Variants in NAV2 observed in about 807,000 individuals in gnomAD.
The protein encoded by NAV2 is helicase, APC down-regulated 1.
NAV2 carries 54 observed loss-of-function variants against 223.2 expected under a neutral mutation model. The observed-to-expected ratio is 0.24, with a 90% CI of 0.19 to 0.30. The LOEUF (loss-of-function observed/expected upper bound fraction) is 0.30, where lower values mean the gene tolerates loss of function less well. Among genes scored for constraint, NAV2 ranks in the 10% least tolerant of loss-of-function variants. The probability of loss-of-function intolerance (pLI) is 1.00; values close to 1 mark genes in which losing one functional copy is unlikely to be tolerated. For missense variants in NAV2, 2,806 were observed against 3,147.5 expected (o/e 0.89, Z 2.60); for synonymous variants, 1,279 against 1,239.3 (o/e 1.03, Z -0.67).
intron 1 of NAV2, among the ~76,000 whole-genome samples, chr11:19,653,198 GTTTC>G (rs2048019740): frequency 6.6e-6 from 1 of 152,204 alleles, no homozygotes; most frequent in Non-Finnish European, 1.5e-5. Flanking sequence ...ATGTGGCTGT[GTTTC>G]TTTAAGTGCT....
chr11:19,574,051 G>A (rs2045501858), intron 1 of NAV2, among the ~76,000 whole-genome samples: 1 of 152,224 alleles, frequency 6.6e-6, no homozygotes, highest in Admixed American at 6.5e-5. Context: ...CAGCCATCAT[G>A]ATAGTGTGAA....
At chr11:19,697,901 G>A (rs534794810) in intron 1 of NAV2, among the ~76,000 whole-genome samples, 4 of 152,258 alleles carry the variant, frequency 2.6e-5, no homozygotes, top group East Asian at 1.9e-4. Flanking sequence ...GCTTTGACAC[G>A]TTATCGTAAC....
intron 1 of NAV2, among the ~76,000 whole-genome samples, chr11:19,413,185 G>T (rs1456836425): frequency 6.6e-6 from 1 of 152,080 alleles, no homozygotes; most frequent in African/African-American, 2.4e-5. Context: ...CTTGAAAAAA[G>T]GTTAGAGGAA....
At chr11:19,860,237 G>A (rs1329180375) in intron 3 of NAV2, among the ~76,000 whole-genome samples, 4 of 147,306 alleles carry the variant, frequency 2.7e-5, no homozygotes, top group African/African-American at 7.6e-5. Flanking sequence ...TCCCAGACGG[G>A]GTGGCTGCCG....
At position 19,869,013 on chromosome 11, in the gene NAV2, T is replaced by C; in HGVS notation, c.511+16T>C. 1 of 1,612,924 alleles carries C rather than the reference T, an allele frequency of 6.2e-7. No individual in the cohort carries two copies. Among genetic ancestry groups the C allele is most frequent in the South Asian group, 1.1e-5 (1 of 91,016 alleles). On this transcript the variant is annotated intron_variant, in intron 4 of 37. Coordinates refer to ENST00000349880, the MANE Select transcript of NAV2 (RefSeq NM_145117.5). The stretch of plus-strand genomic sequence containing the variant: ...TCTGCAGAAGGTGAGTCAGAGCGCT[T>C]GTCACGAAGCTGCCTCTTCATCATT...
intron 1 of NAV2, among the ~76,000 whole-genome samples, chr11:19,681,979 G>A (rs944353113): frequency 3.3e-5 from 5 of 152,160 alleles, no homozygotes; most frequent in South Asian, 2.1e-4. Context: ...GATAGCTTGT[G>A]TTAGTCACAT....
At chr11:19,895,742 T>C (rs1238253292) in intron 6 of NAV2, among the ~76,000 whole-genome samples, 4 of 152,154 alleles carry the variant, frequency 2.6e-5, no homozygotes, top group African/African-American at 9.7e-5. Flanking sequence ...ACTAACTTTT[T>C]CAACCATCCT....
chr11:19,488,897 CT>C lies in NAV2; in HGVS notation c.75+137871del, dbSNP rs199701710. ...CATGCCTACTGACAGGTCTTCCAGTCTAGAGGGTGACCCTGTCTGTCCTGCT... is the reference window on the plus strand; with the variant it reads ...CATGCCTACTGACAGGTCTTCCAGTCAGAGGGTGACCCTGTCTGTCCTGCT... On this transcript the variant is annotated intron_variant, in intron 1 of 37. Transcript: ENST00000360655. Among the ~76,000 whole-genome samples the C allele has an allele frequency of 5.6e-3, 850 of 152,318 alleles. 3 individuals carry two copies. Among genetic ancestry groups the C allele is most frequent in the African/African-American group, 0.02 (815 of 41,562 alleles).
chr11:19,566,792 A>G (rs2045283301), intron 1 of NAV2, among the ~76,000 whole-genome samples: 1 of 152,198 alleles, frequency 6.6e-6, no homozygotes, highest in East Asian at 1.9e-4. Context: ...GCATCCAGGG[A>G]AACTAAGGTC....
chr11:19,355,589 C>T (rs1031061525), intron 1 of NAV2, among the ~76,000 whole-genome samples: 1 of 152,184 alleles, frequency 6.6e-6, no homozygotes, highest in African/African-American at 2.4e-5. Flanking sequence ...ACCTCACAGG[C>T]CCACCACCTT....
At chr11:19,532,633 G>T (rs865875885) in intron 1 of NAV2, among the ~76,000 whole-genome samples, 16 of 152,264 alleles carry the variant, frequency 1.1e-4, no homozygotes, top group Middle Eastern at 3.4e-3. Flanking sequence ...AAGGGAGCAG[G>T]CTACTCACGG....
At chr11:20,012,398 G>A (rs191220944) in intron 11 of NAV2, among the ~76,000 whole-genome samples, 4 of 152,244 alleles carry the variant, frequency 2.6e-5, no homozygotes, top group Admixed American at 6.5e-5. Context: ...ACTCATGGCC[G>A]GGCACAGTGG....
intron 1 of NAV2, among the ~76,000 whole-genome samples, chr11:19,640,597 G>C (rs1208636084): frequency 6.6e-6 from 1 of 152,066 alleles, no homozygotes; most frequent in Non-Finnish European, 1.5e-5. Flanking sequence ...GTTCTGTATG[G>C]TGTTACCCAT....
At chr11:19,584,897 G>A (rs1478602659) in intron 1 of NAV2, among the ~76,000 whole-genome samples, 28 of 152,164 alleles carry the variant, frequency 1.8e-4, no homozygotes, top group African/African-American at 5.8e-4. Context: ...TATTGGGTCC[G>A]CTTGGTGCAG....
chr11:19,688,890 C>T (rs576595464), intron 1 of NAV2, among the ~76,000 whole-genome samples: 1 of 152,194 alleles, frequency 6.6e-6, no homozygotes, highest in South Asian at 2.1e-4. Flanking sequence ...TTAATAGCAT[C>T]CCCTTTCACT....
intron 11 of NAV2, among the ~76,000 whole-genome samples, chr11:20,001,160 C>T (rs1016354491): frequency 2.6e-5 from 4 of 152,112 alleles, no homozygotes; most frequent in African/African-American, 9.7e-5. Context: ...AACCTCCATG[C>T]CTTTGCCCCC....
At chr11:19,638,828 A>G (rs898259484) in intron 1 of NAV2, among the ~76,000 whole-genome samples, 1 of 152,118 alleles carries the variant, frequency 6.6e-6, no homozygotes, top group Non-Finnish European at 1.5e-5. Flanking sequence ...CCCCGTGTCT[A>G]CTAAAAATAC....
Position 20,101,107 on chromosome 11 carries a change from C to G in NAV2, c.6352C>G (p.Arg2118Gly). 1.9e-6 allele frequency: 3 copies of G among 1,614,126 alleles called. No individual in the cohort carries two copies. In the African/African-American group the frequency reaches 4.0e-5, roughly 22 times the overall value. Residue 2118 changes from arginine to glycine, a missense_variant, in exon 32 of 38, where the codon CGA becomes GGA. Arg to Gly is a moderately radical substitution (Grantham distance 125). Around this residue, in one of 4 missense-constraint regions of NAV2, gnomAD observed 824 missense variants for 1,069.4 expected, o/e 0.77. Coordinates refer to ENST00000349880, the MANE Select transcript of NAV2 (RefSeq NM_145117.5). ...ANRLSEYIVL[R>G]EGRELTDGVI... ...CCGGCTGTCTGAGTATATAGTGCTTCGAGAGGGACGGGAGTTGACAGACGG... is the reference window on the plus strand; with the variant it reads ...CCGGCTGTCTGAGTATATAGTGCTTGGAGAGGGACGGGAGTTGACAGACGG...
At chr11:19,658,619 G>A (rs2135713978) in intron 1 of NAV2, among the ~76,000 whole-genome samples, 1 of 152,222 alleles carries the variant, frequency 6.6e-6, no homozygotes, top group Middle Eastern at 3.4e-3. Flanking sequence ...TCTTACTGAG[G>A]GTAAGATTGG....
Sources: allele counts gnomAD v4.1 joint callset (sites outside exome capture counted in the v4.1 genomes callset), GRCh38; gene constraint gnomAD v4.1.1; regional missense constraint gnomAD v4.1.1; transcripts MANE v1.5; gene names NCBI Gene and HGNC (gene_info 2026-07-23, HGNC 2026-07-21).